Variants in BCKDHA observed in about 807,000 individuals in gnomAD.
The protein encoded by BCKDHA is branched chain keto acid dehydrogenase E1 subunit alpha.
Under a neutral mutation model 52.2 loss-of-function variants are expected in BCKDHA, and 43 were observed. The ratio of observed to expected loss-of-function variants is 0.82; its 90% CI spans 0.64 to 1.06. The LOEUF is 1.06. Ranked by LOEUF, BCKDHA falls within the 50% of genes least tolerant of loss-of-function variation. BCKDHA has a pLI of 0.00. For synonymous variants in BCKDHA, 234 were observed against 247.9 expected, an observed-to-expected ratio of 0.94 and a Z score of 0.53; for missense variants, 527 against 621.3, an observed-to-expected ratio of 0.85 and a Z score of 1.61.
chr19:41,398,400 T>C (rs79568656), intron 1 of BCKDHA, among the ~76,000 whole-genome samples: 3,949 of 152,312 alleles, frequency 0.026, 169 homozygotes, highest in African/African-American at 0.09. Context: ...GCCTTGTATT[T>C]CTTTGCTCCT....
intron 5 of BCKDHA, among the ~76,000 whole-genome samples, chr19:41,421,756 T>C (rs1220464199): frequency 1.3e-5 from 2 of 152,008 alleles, no homozygotes; most frequent in African/African-American, 4.8e-5. Context: ...CACCTCTTCA[T>C]GGAATCCGCG....
chr19:41,417,577 T>C (rs942691739), intron 4 of BCKDHA, among the ~76,000 whole-genome samples: 5 of 152,198 alleles, frequency 3.3e-5, no homozygotes, highest in African/African-American at 1.2e-4. Flanking sequence ...CCAGTAAACC[T>C]GTATTAAAGT....
At chr19:41,419,746 C>CTTTT (rs201343587) in intron 5 of BCKDHA, among the ~76,000 whole-genome samples, 9 of 127,916 alleles carry the variant, frequency 7.0e-5, no homozygotes, top group Non-Finnish European at 1.2e-4. Flanking sequence ...GCCCAGCCCA[C>CTTTT]TTTTTTTTTT....
At chr19:41,421,292 T>C (rs1332011942) in intron 5 of BCKDHA, among the ~76,000 whole-genome samples, 1 of 151,792 alleles carries the variant, frequency 6.6e-6, no homozygotes, top group African/African-American at 2.4e-5. Flanking sequence ...GGTGCTGCCA[T>C]TGTGGTGGGG....
chr19:41,401,138 A>G (rs998522846), intron 1 of BCKDHA, among the ~76,000 whole-genome samples: 3 of 151,910 alleles, frequency 2.0e-5, no homozygotes, highest in Admixed American at 2.0e-4. Flanking sequence ...GTGCAATGGC[A>G]TGATCTTGGC....
intron 3 of BCKDHA, among the ~76,000 whole-genome samples, chr19:41,411,852 G>C (rs2039257503): frequency 6.6e-6 from 1 of 152,156 alleles, no homozygotes; most frequent in East Asian, 1.9e-4. Context: ...AGTCCTGCCA[G>C]GCCCTCAGTA....
chr19:41,417,604 G>A (rs2039319324), intron 4 of BCKDHA, among the ~76,000 whole-genome samples: 1 of 152,156 alleles, frequency 6.6e-6, no homozygotes, highest in Admixed American at 6.6e-5. Context: ...TTGAAGTAGT[G>A]CTAACCACCC....
intron 3 of BCKDHA, among the ~76,000 whole-genome samples, chr19:41,413,460 GCCTC>G (rs1439519849): frequency 6.6e-6 from 1 of 151,924 alleles, no homozygotes; most frequent in East Asian, 1.9e-4. Context: ...CTCCTCTCCC[GCCTC>G]CCTCTGCTAC....
chr19:41,421,742 G>A (rs2039367808), intron 5 of BCKDHA, among the ~76,000 whole-genome samples: 1 of 152,094 alleles, frequency 6.6e-6, no homozygotes, highest in African/African-American at 2.4e-5. Context: ...TCCTTGGCCT[G>A]GCTCACCTCT....
chr19:41,406,570 A>AT (rs1201986170), intron 1 of BCKDHA, among the ~76,000 whole-genome samples: 3,645 of 129,626 alleles, frequency 0.028, 111 homozygotes, highest in African/African-American at 0.084. Flanking sequence ...TTCCCAGCTA[A>AT]TTTTTTTTTT....
chr19:41,407,174 A>G (rs1181533463), intron 1 of BCKDHA, among the ~76,000 whole-genome samples: 1 of 152,114 alleles, frequency 6.6e-6, no homozygotes, highest in Non-Finnish European at 1.5e-5. Context: ...AGTTTTGAGT[A>G]TGTAATACGT....
intron 1 of BCKDHA, among the ~76,000 whole-genome samples, chr19:41,403,732 G>A (rs892246916): frequency 3.3e-5 from 5 of 152,162 alleles, no homozygotes; most frequent in Admixed American, 6.5e-5. Flanking sequence ...TGCTTTCCCC[G>A]CCTCTCCACC....
chr19:41,411,674 A>G (rs985352551), intron 3 of BCKDHA, among the ~76,000 whole-genome samples: 1 of 152,212 alleles, frequency 6.6e-6, no homozygotes, highest in African/African-American at 2.4e-5. Flanking sequence ...TGAGAAATGT[A>G]TTAATAATAC....
chr19:41,418,639 C>T, intron 4 of BCKDHA: 4 of 405,178 alleles, frequency 9.9e-6, no homozygotes, highest in South Asian at 7.5e-5. Flanking sequence ...TGAAGCAATC[C>T]TCTGCCTCAG....
In BCKDHA at chr19:41,424,453, GAGCAGGCCGAGCGGAA is replaced by G; in HGVS notation, c.1184_1199del (p.Glu395GlyfsTer85). ...GTCCCCACAGGTGATGGAGGCCTTT[GAGCAGGCCGAGCGGAA>G]GCCCAAACCCAACCCCAACCTACTC... is the stretch of plus-strand genomic sequence containing the variant. On this transcript the variant is annotated frameshift_variant, in exon 9 of 9. Transcript: ENST00000269980. LOFTEE classifies it high-confidence loss of function. The G allele has an allele frequency of 6.2e-7, 1 of 1,614,082 alleles. No individual in the cohort carries two copies. Among genetic ancestry groups the G allele is most frequent in the Non-Finnish European group, 8.5e-7 (1 of 1,180,040 alleles).
intron 7 of BCKDHA, 38 bp from the exon 8 acceptor site, chr19:41,422,960 G>T: frequency 1.1e-5 from 17 of 1,521,284 alleles, no homozygotes; most frequent in Non-Finnish European, 1.5e-5. Flanking sequence ...CCACTCCAGG[G>T]AGCCCACACT....
intron 1 of BCKDHA, among the ~76,000 whole-genome samples, chr19:41,407,393 T>C (rs1031345792): frequency 6.6e-6 from 1 of 152,150 alleles, no homozygotes; most frequent in Non-Finnish European, 1.5e-5. Context: ...AGGAATTCCC[T>C]CTTGAGTGCC....
chr19:41,415,857 C>T (rs2122125685), intron 4 of BCKDHA, among the ~76,000 whole-genome samples: 1 of 151,006 alleles, frequency 6.6e-6, no homozygotes, highest in South Asian at 2.1e-4. Context: ...CCATGTTAGC[C>T]AGGATGGTCT....
intron 1 of BCKDHA, among the ~76,000 whole-genome samples, chr19:41,405,752 A>G (rs2039185443): frequency 6.6e-6 from 1 of 152,214 alleles, no homozygotes; most frequent in South Asian, 2.1e-4. Context: ...ATAATCAGGC[A>G]GCGGTCTGCT....
Sources: allele counts gnomAD v4.1 joint callset (sites outside exome capture counted in the v4.1 genomes callset), GRCh38; gene constraint gnomAD v4.1.1; transcripts MANE v1.5; gene names NCBI Gene and HGNC (gene_info 2026-07-23, HGNC 2026-07-21).